L3MBTL4: variants seen among roughly 807,000 people sequenced by gnomAD.
L3MBTL4 encodes lethal(3)malignant brain tumor-like protein 4.
A neutral mutation model predicts 84.5 loss-of-function variants in L3MBTL4; 70 were observed. That is an observed-to-expected ratio of 0.83 (90% CI 0.68 to 1.01). The LOEUF (loss-of-function observed/expected upper bound fraction) is 1.01. Among genes scored for constraint, L3MBTL4 ranks in the 50% least tolerant of loss-of-function variants. The pLI, the probability that L3MBTL4 is intolerant of heterozygous loss-of-function variation, is 0.00. For synonymous variants in L3MBTL4, 274 were observed against 259.8 expected, an observed-to-expected ratio of 1.05 and a Z score of -0.52; for missense variants, 715 against 754.8, an observed-to-expected ratio of 0.95 and a Z score of 0.62.
intron 16 of L3MBTL4, among the ~76,000 whole-genome samples, chr18:6,057,628 A>C (rs2145858885): frequency 6.6e-6 from 1 of 152,318 alleles, no homozygotes; most frequent in East Asian, 1.9e-4. Context: ...TCAAAATGTG[A>C]AGAAAAAAAT....
intron 1 of L3MBTL4, among the ~76,000 whole-genome samples, chr18:6,372,375 C>T (rs2054191607): frequency 6.6e-6 from 1 of 152,184 alleles, no homozygotes; most frequent in South Asian, 2.1e-4. Flanking sequence ...ACCCCTTTGC[C>T]TCTGACCCAG....
intron 10 of L3MBTL4, among the ~76,000 whole-genome samples, chr18:6,223,788 T>A (rs1460132909): frequency 6.6e-6 from 1 of 152,182 alleles, no homozygotes; most frequent in Non-Finnish European, 1.5e-5. Flanking sequence ...AGCTTCTTTC[T>A]ATTCTCCGGC....
In L3MBTL4 at chr18:6,129,563, C is replaced by G. The variant is rs552696144; in HGVS notation, c.1199+8631G>C. Among the ~76,000 whole-genome samples, 42 of 152,164 alleles carry G rather than the reference C, an allele frequency of 2.8e-4. No individual in the cohort carries two copies. In the South Asian group the frequency reaches 8.7e-3, roughly 32 times the overall value. ...ATAGATTTCTCTCTGAACATATGTA[C>G]TATGATATCCTAAAAGTTTATCTCT... On this transcript the variant is annotated intron_variant, in intron 14 of 18. Coordinates refer to ENST00000317931, the MANE Select transcript of L3MBTL4 (RefSeq NM_001330559.2).
At chr18:6,179,766 T>G (rs1303377265) in intron 12 of L3MBTL4, among the ~76,000 whole-genome samples, 1 of 152,214 alleles carries the variant, frequency 6.6e-6, no homozygotes, top group Admixed American at 6.5e-5. Flanking sequence ...TAGCTGGAAC[T>G]ACAGGCGCAT....
At chr18:6,391,739 A>AAAC (rs924179317) in intron 1 of L3MBTL4, among the ~76,000 whole-genome samples, 11 of 118,968 alleles carry the variant, frequency 9.2e-5, no homozygotes, top group African/African-American at 2.4e-4. Context: ...CAACATCTGC[A>AAAC]AACAACAACA....
chr18:6,212,492 C>T (rs891319530), intron 12 of L3MBTL4, among the ~76,000 whole-genome samples: 2 of 152,174 alleles, frequency 1.3e-5, no homozygotes, highest in East Asian at 1.9e-4. Flanking sequence ...ATAAATTCTA[C>T]AGATGCTTTC....
At chr18:6,197,517 T>C (rs540538183) in intron 12 of L3MBTL4, among the ~76,000 whole-genome samples, 1 of 152,242 alleles carries the variant, frequency 6.6e-6, no homozygotes, top group Non-Finnish European at 1.5e-5. Context: ...CTATCATTGA[T>C]GGGCATTTGG....
intron 12 of L3MBTL4, among the ~76,000 whole-genome samples, chr18:6,186,362 C>G (rs2044763188): frequency 6.6e-6 from 1 of 151,228 alleles, no homozygotes; most frequent in Non-Finnish European, 1.5e-5. Context: ...TTTTTAATAA[C>G]TGTGGTGGCC....
chr18:6,233,844 G>A (rs1439444373), intron 10 of L3MBTL4, among the ~76,000 whole-genome samples: 1 of 151,918 alleles, frequency 6.6e-6, no homozygotes, highest in Non-Finnish European at 1.5e-5. Context: ...ACCAAAAAAG[G>A]GCCTGCATTG....
chr18:6,315,971 G>A (rs2051071169), intron 1 of L3MBTL4, among the ~76,000 whole-genome samples: 1 of 151,588 alleles, frequency 6.6e-6, no homozygotes, highest in African/African-American at 2.4e-5. Context: ...CCAAGATTCA[G>A]GGTCCAAAGG....
chr18:6,163,272 G>GGGGGT (rs1243686744), intron 13 of L3MBTL4, among the ~76,000 whole-genome samples: 2 of 94,814 alleles, frequency 2.1e-5, no homozygotes, highest in Non-Finnish European at 4.1e-5. Flanking sequence ...GGGGGGGGTG[G>GGGGGT]GTGTGTGTGT....
At position 6,191,187 on chromosome 18, in the gene L3MBTL4, G is replaced by A. The variant is rs931098932; in HGVS notation, c.982-19245C>T. ...CTGGCTGCTTCTTTGAGAGAGAACT[G>A]GGGCAGAGGGAGGTGGCTGGAGTGG... On this transcript the variant is annotated intron_variant, in intron 12 of 18. Coordinates refer to ENST00000317931, the MANE Select transcript of L3MBTL4 (RefSeq NM_001330559.2). Among the ~76,000 whole-genome samples the A allele has an allele frequency of 4.6e-5, 7 of 152,190 alleles. No individual in the cohort carries two copies. The South Asian group carries it at 1.2e-3, about 27-fold the overall frequency.
At chr18:6,297,059 T>C (rs902830683) in intron 4 of L3MBTL4, among the ~76,000 whole-genome samples, 6 of 152,132 alleles carry the variant, frequency 3.9e-5, no homozygotes, top group Admixed American at 2.0e-4. Context: ...AAAGCTTCCA[T>C]TGATTTGGGA....
At chr18:6,176,615 T>G (rs1312094868) in intron 12 of L3MBTL4, among the ~76,000 whole-genome samples, 1 of 152,018 alleles carries the variant, frequency 6.6e-6, no homozygotes, top group African/African-American at 2.4e-5. Context: ...GAAGAAAACT[T>G]TAAGATAAAG....
intron 6 of L3MBTL4, 129 bp downstream of exon 6, chr18:6,244,355 G>A (rs1246595512): frequency 9.2e-6 from 5 of 544,160 alleles, no homozygotes; most frequent in South Asian, 3.7e-5. Context: ...TTCACCCATC[G>A]CTGACTAAAA....
rs550723017 is a variant in L3MBTL4, at chr18:6,032,384, T to A, written c.1444+48497A>T. 9.4e-6 allele frequency: 4 copies of A among 427,476 alleles called. 1 individual carries two copies. In the South Asian group the frequency reaches 3.2e-4, roughly 34 times the overall value. 26.5% of individuals were successfully genotyped at this position (427,476 alleles called of 1,614,324 possible). On this transcript the variant is annotated intron_variant, in intron 16 of 18. Coordinates refer to ENST00000317931, the MANE Select transcript of L3MBTL4 (RefSeq NM_001330559.2). ...GGAATCTGCGTTTTCATGAAATATG[T>A]TACACACACACACACACACACACAC...
intron 5 of L3MBTL4, among the ~76,000 whole-genome samples, chr18:6,258,099 A>C (rs1338676921): frequency 6.6e-6 from 1 of 152,200 alleles, no homozygotes; most frequent in African/African-American, 2.4e-5. Context: ...CCAGGACCAC[A>C]GGGGAAAGAG....
At chr18:6,014,722 G>A (rs1458834126) in intron 16 of L3MBTL4, among the ~76,000 whole-genome samples, 5 of 152,096 alleles carry the variant, frequency 3.3e-5, no homozygotes, top group Non-Finnish European at 7.3e-5. Flanking sequence ...GGGAATAGAG[G>A]ACAAAGGGTT....
Position 6,138,203 on chromosome 18 carries a change from C to A in L3MBTL4, c.1190G>T (p.Gly397Val). 1 of 1,609,472 alleles carries A rather than the reference C, an allele frequency of 6.2e-7. No homozygotes were observed. Among genetic ancestry groups the A allele is most frequent in the Non-Finnish European group, 8.5e-7 (1 of 1,176,684 alleles). Residue 397 changes from glycine (G) to valine (V), a missense_variant, in exon 14 of 19, where the codon GGA (glycine) becomes GTA (valine). Transcript: ENST00000317931. Reference protein sequence around the residue: ...IGHIRGPRYSGHHSAFGCPYS... With the variant: ...IGHIRGPRYSVHHSAFGCPYS... ...ATAAGAAAAATGTTACCTGTGATGTCCCGAATAACGTGGACCACGGATATG... is the reference window on the plus strand; with the variant it reads ...ATAAGAAAAATGTTACCTGTGATGTACCGAATAACGTGGACCACGGATATG...
Sources: gnomAD v4.1 joint callset for allele counts (sites outside exome capture counted in the v4.1 genomes callset) on GRCh38, gnomAD v4.1.1 for gene constraint, MANE v1.5 for transcripts, NCBI Gene and HGNC (gene_info 2026-07-23, HGNC 2026-07-21) for gene names.